ABCC1: variants seen among roughly 807,000 people sequenced by gnomAD.
The protein encoded by ABCC1 is ATP binding cassette subfamily C member 1 (ABCC1 blood group).
Under a neutral mutation model 172.9 loss-of-function variants are expected in ABCC1, and 83 were observed. The ratio of observed to expected loss-of-function variants is 0.48; its 90% CI spans 0.40 to 0.58. ABCC1 has a LOEUF of 0.58. Ranked by LOEUF, ABCC1 falls within the 20% of genes least tolerant of loss-of-function variation. The pLI, the probability that ABCC1 is intolerant of heterozygous loss-of-function variation, is 0.00. For missense variants in ABCC1, 1,817 were observed against 2,002.7 expected, an observed-to-expected ratio of 0.91 and a Z score of 1.77; for synonymous variants, 937 against 825.2, an observed-to-expected ratio of 1.14 and a Z score of -2.32.
intron 1 of ABCC1, among the ~76,000 whole-genome samples, chr16:15,964,036 T>G (rs1196849343): frequency 6.6e-6 from 1 of 151,944 alleles, no homozygotes; most frequent in Non-Finnish European, 1.5e-5. Context: ...CTCTGCCTCC[T>G]GGGTTCAAGC....
rs536878015 is a variant in ABCC1 at position 16,053,376 on chromosome 16, C to G, written c.1473+560C>G. On this transcript the variant is annotated intron_variant, in intron 11 of 30. Coordinates refer to ENST00000399410, the MANE Select transcript of ABCC1 (RefSeq NM_004996.4). ...TTAAGTGATCCTGTTGCCTCAGCCT[C>G]TCAAAGTGTTGGGATTACAGGTGTG... is the stretch of plus-strand genomic sequence containing the variant. 9.9e-5 allele frequency among the ~76,000 whole-genome samples: 15 copies of G among 152,254 alleles called. No individual in the cohort carries two copies. In the South Asian group the frequency reaches 2.9e-3, roughly 29 times the overall value.
At chr16:15,959,187 T>TC (rs1213570268) in intron 1 of ABCC1, among the ~76,000 whole-genome samples, 1 of 152,174 alleles carries the variant, frequency 6.6e-6, no homozygotes, top group African/African-American at 2.4e-5. Flanking sequence ...GAGGTTAAAC[T>TC]CCAATTAGCT....
At chr16:16,137,872 AT>A (rs144317862) in intron 29 of ABCC1, among the ~76,000 whole-genome samples, 1 of 148,448 alleles carries the variant, frequency 6.7e-6, no homozygotes, top group South Asian at 2.1e-4. Context: ...TTTTTATTTT[AT>A]TTTTTTTAAG....
rs932575284 is a variant in ABCC1 at position 16,131,869 on chromosome 16, G to C, written c.3900G>C (p.Leu1300=). The part of the protein sequence containing the change: ...VGRVEFRNYC[L]RYREDLDFVL... ...GAGTGGAATTCCGGAACTACTGCCTGCGCTACCGAGAGGACCTGGACTTCG... is the reference window on the plus strand; with the variant it reads ...GAGTGGAATTCCGGAACTACTGCCTCCGCTACCGAGAGGACCTGGACTTCG... The change falls in exon 27 of 31, where the codon CTG becomes CTC. Residue 1300 remains leucine (L), a synonymous_variant. Coordinates refer to ENST00000399410, the MANE Select transcript of ABCC1 (RefSeq NM_004996.4). The C allele has an allele frequency of 1.2e-6, 2 of 1,614,174 alleles. No homozygotes were observed. Among genetic ancestry groups the C allele is most frequent in the Non-Finnish European group, 1.7e-6 (2 of 1,180,026 alleles).
At chr16:15,972,789 T>TA (rs2046399152) in intron 1 of ABCC1, among the ~76,000 whole-genome samples, 1 of 91,470 alleles carries the variant, frequency 1.1e-5, no homozygotes, top group Non-Finnish European at 2.1e-5. Context: ...TTTTTTAACT[T>TA]TTTTTTTTTT....
At chr16:16,049,609 T>G (rs940305397) in intron 10 of ABCC1, among the ~76,000 whole-genome samples, 1 of 152,202 alleles carries the variant, frequency 6.6e-6, no homozygotes, top group Non-Finnish European at 1.5e-5. Flanking sequence ...TTAGATGGAC[T>G]TCTTCTTTTG....
chr16:16,047,900 A>G (rs45598735), intron 9 of ABCC1, among the ~76,000 whole-genome samples: 1 of 148,072 alleles, frequency 6.8e-6, no homozygotes, highest in Non-Finnish European at 1.5e-5. Context: ...GGTTTCGAGG[A>G]CACCTAGGGT....
chr16:15,967,596 A>C (rs1009095511), intron 1 of ABCC1, among the ~76,000 whole-genome samples: 2 of 147,594 alleles, frequency 1.4e-5, no homozygotes, highest in Non-Finnish European at 3.0e-5. Flanking sequence ...AATAATAATA[A>C]TTATTATTAT....
In ABCC1 at chr16:16,115,924, A is replaced by G. The variant is rs566235787; in HGVS notation, c.3390+848A>G. ...CTTTCTTTTTTTTTTTTAATTTGACATGGAGTCTCGCTCTGTCGCCCAGGC... is the reference window on the plus strand; with the variant it reads ...CTTTCTTTTTTTTTTTTAATTTGACGTGGAGTCTCGCTCTGTCGCCCAGGC... On this transcript the variant is annotated intron_variant, in intron 23 of 30. Coordinates refer to ENST00000399410, the MANE Select transcript of ABCC1 (RefSeq NM_004996.4). Among the ~76,000 whole-genome samples, 9 of 150,348 alleles carry G rather than the reference A, an allele frequency of 6.0e-5. No individual in the cohort carries two copies. The South Asian group carries it at 1.3e-3, about 21-fold the overall frequency.
At chr16:15,955,425 T>C (rs1464308301) in intron 1 of ABCC1, among the ~76,000 whole-genome samples, 3 of 152,148 alleles carry the variant, frequency 2.0e-5, no homozygotes, top group Non-Finnish European at 4.4e-5. Flanking sequence ...AGTCTAGTCT[T>C]GGCCCAGCTG....
chr16:16,126,045 G>C, intron 26 of ABCC1, 134 bp downstream of exon 26: 2 of 572,372 alleles, frequency 3.5e-6, no homozygotes. Context: ...CTTAACGCTT[G>C]TCCAGTCTTT....
In ABCC1 at chr16:16,141,536, C is replaced by CA. The variant is rs1244800253; in HGVS notation, c.*256dup. On this transcript the variant is annotated 3_prime_UTR_variant, in exon 31 of 31. Transcript: ENST00000399410. ...ACACCCTGCCCCTGGTGCCCTGAGA[C>CA]AGACACACAGCCTCACGCCCCCAGG... is the stretch of plus-strand genomic sequence containing the variant. 2.0e-6 allele frequency: 1 copy of CA among 488,712 alleles called. No homozygotes were observed. Among genetic ancestry groups the CA allele is most frequent in the Non-Finnish European group, 3.7e-6 (1 of 273,086 alleles). 30.3% of individuals were successfully genotyped at this position (488,712 alleles called of 1,614,324 possible).
At chr16:16,071,869 C>A in intron 14 of ABCC1, 140 bp downstream of exon 14, 7 of 754,288 alleles carry the variant, frequency 9.3e-6, no homozygotes, top group Non-Finnish European at 1.6e-5. Context: ...CCCCGGGGGA[C>A]AAGGGTTCTG....
At chr16:16,065,328 A>G (rs1292187439) in intron 12 of ABCC1, among the ~76,000 whole-genome samples, 2 of 152,126 alleles carry the variant, frequency 1.3e-5, no homozygotes, top group African/African-American at 2.4e-5. Context: ...GGGCACAGTA[A>G]TAGCTCACTG....
intron 1 of ABCC1, among the ~76,000 whole-genome samples, chr16:16,001,789 A>G (rs1482782878): frequency 6.6e-6 from 1 of 152,174 alleles, no homozygotes; most frequent in Non-Finnish European, 1.5e-5. Flanking sequence ...TTTGTACCTT[A>G]TCAGCTGGAG....
intron 1 of ABCC1, among the ~76,000 whole-genome samples, chr16:15,955,383 G>A (rs555980898): frequency 1.8e-3 from 268 of 152,172 alleles, no homozygotes; most frequent in Non-Finnish European, 2.7e-3. Context: ...CCACCTGTTC[G>A]CTGCTGTGCC....
Position 15,949,693 on chromosome 16 carries a change from G to T in ABCC1, c.-59G>T. The T allele has an allele frequency of 1.9e-6, 2 of 1,026,810 alleles. No homozygotes were observed. The highest frequency in any genetic ancestry group is 2.3e-6 in the Non-Finnish European group (2 of 855,634). 63.6% of individuals were successfully genotyped at this position (1,026,810 alleles called of 1,614,324 possible). A position where few individuals can be genotyped will look rare whatever the true frequency, so the allele number is the denominator to read the frequency against. On this transcript the variant is annotated 5_prime_UTR_variant, in exon 1 of 31. Coordinates refer to ENST00000399410, the MANE Select transcript of ABCC1 (RefSeq NM_004996.4). ...CCGCCCGGTGCCCGCCGCCGCCCGC[G>T]CCAGCAACCGGGCCCGATCACCCGC...
intron 2 of ABCC1, 122 bp downstream of exon 2, chr16:16,008,114 G>A: frequency 2.9e-6 from 3 of 1,027,718 alleles, no homozygotes; most frequent in Non-Finnish European, 2.8e-6. Context: ...CTTCTAGAAG[G>A]CAGAAGAATA....
intron 20 of ABCC1, among the ~76,000 whole-genome samples, chr16:16,104,899 C>T (rs34936105): frequency 0.23 from 35,384 of 152,050 alleles, 4,134 homozygotes; most frequent in Middle Eastern, 0.36. Flanking sequence ...CCCGGGCTGG[C>T]GGGGCTGCCC....
Sources: gnomAD v4.1 joint callset for allele counts (sites outside exome capture counted in the v4.1 genomes callset) on GRCh38, gnomAD v4.1.1 for gene constraint, MANE v1.5 for transcripts, NCBI Gene and HGNC (gene_info 2026-07-23, HGNC 2026-07-21) for gene names.